Variants in COL23A1 observed in about 807,000 individuals in gnomAD.
COL23A1 encodes collagen type XXIII alpha 1 chain, also known as collagen alpha-1(XXIII) chain.
A neutral mutation model predicts 99.3 loss-of-function variants in COL23A1; 97 were observed. The ratio of observed to expected loss-of-function variants is 0.98; its 90% CI spans 0.83 to 1.16. The LOEUF (loss-of-function observed/expected upper bound fraction) is 1.16. Ranked by LOEUF, COL23A1 falls within the 50% of genes most tolerant of loss-of-function variation. The probability of loss-of-function intolerance (pLI) is 0.00; values close to 1 mark genes in which losing one functional copy is unlikely to be tolerated. For synonymous variants in COL23A1, 320 were observed against 308.2 expected (o/e 1.04, Z -0.40); for missense variants, 762 against 757.4 (o/e 1.01, Z -0.07).
intron 2 of COL23A1, among the ~76,000 whole-genome samples, chr5:178,369,345 C>CGA (rs1762675163): frequency 6.6e-6 from 1 of 152,170 alleles, no homozygotes; most frequent in African/African-American, 2.4e-5. Flanking sequence ...CTTCACACCT[C>CGA]GAGAGGATGT....
chr5:178,272,424 T>A (rs1209298398), intron 5 of COL23A1, among the ~76,000 whole-genome samples: 1 of 152,128 alleles, frequency 6.6e-6, no homozygotes, highest in African/African-American at 2.4e-5. Context: ...GTTCTAAAAA[T>A]TGGTGTCAAA....
intron 2 of COL23A1, among the ~76,000 whole-genome samples, chr5:178,536,217 A>G (rs539164): frequency 0.5 from 76,722 of 152,198 alleles, 19,766 homozygotes; most frequent in Non-Finnish European, 0.57. Flanking sequence ...CTCATGCCGC[A>G]GGGGTGCTCG....
At chr5:178,261,600 C>T (rs1396142790) in intron 11 of COL23A1, 122 bp downstream of exon 11, 9 of 708,842 alleles carry the variant, frequency 1.3e-5, no homozygotes, top group Non-Finnish European at 2.0e-5. Context: ...GGAATTTGAT[C>T]TCCTGACCCT....
At position 178,415,594 on chromosome 5, in the gene COL23A1, G is replaced by A. The variant is rs982217827; in HGVS notation, c.362-108675C>T. Among the ~76,000 whole-genome samples the A allele has an allele frequency of 6.6e-6, 1 of 152,172 alleles. No individual in the cohort carries two copies. Among genetic ancestry groups the A allele is most frequent in the African/African-American group, 2.4e-5 (1 of 41,448 alleles). On this transcript the variant is annotated intron_variant, in intron 2 of 28. Transcript: ENST00000390654. The surrounding 1 kb of genome is among the most constrained non-coding windows in gnomAD (Gnocchi z 4.6). ...AGATACTTCCAATGTGCTGACTGCTGGCACCAGAGGACAGTGCTGCCCCCA... is the reference window on the plus strand; with the variant it reads ...AGATACTTCCAATGTGCTGACTGCTAGCACCAGAGGACAGTGCTGCCCCCA...
intron 2 of COL23A1, among the ~76,000 whole-genome samples, chr5:178,535,568 G>T (rs1433567060): frequency 6.6e-6 from 1 of 152,284 alleles, no homozygotes; most frequent in Non-Finnish European, 1.5e-5. Flanking sequence ...GAACCCTGGT[G>T]CCTCAGCCCC....
chr5:178,285,149 C>G (rs1240274869), intron 5 of COL23A1, among the ~76,000 whole-genome samples: 2 of 152,208 alleles, frequency 1.3e-5, no homozygotes, highest in Non-Finnish European at 2.9e-5. Context: ...ACCTGCCCCA[C>G]AGATGTGGGT....
intron 16 of COL23A1, among the ~76,000 whole-genome samples, chr5:178,253,972 C>T (rs1009351341): frequency 5.3e-5 from 8 of 150,976 alleles, no homozygotes; most frequent in East Asian, 4.0e-4. Flanking sequence ...GAGACCAGCC[C>T]GGCCAACATG....
At chr5:178,274,825 T>A (rs1226898119) in intron 5 of COL23A1, among the ~76,000 whole-genome samples, 1 of 152,162 alleles carries the variant, frequency 6.6e-6, no homozygotes, top group Non-Finnish European at 1.5e-5. Flanking sequence ...CTGGAGATGC[T>A]CATGACTGTC....
chr5:178,336,125 G>A (rs1237616604), intron 2 of COL23A1, among the ~76,000 whole-genome samples: 3 of 152,166 alleles, frequency 2.0e-5, no homozygotes, highest in Non-Finnish European at 4.4e-5. Context: ...GTAAGAACCC[G>A]GCACAGGCTG....
intron 1 of COL23A1, among the ~76,000 whole-genome samples, chr5:178,563,745 T>G (rs1014416878): frequency 6.6e-6 from 1 of 152,040 alleles, no homozygotes; most frequent in Non-Finnish European, 1.5e-5. Flanking sequence ...TTGCCCAGGC[T>G]GGTCCCAAAT....
chr5:178,576,633 G>A (rs1216106989), intron 1 of COL23A1, among the ~76,000 whole-genome samples: 2 of 152,168 alleles, frequency 1.3e-5, no homozygotes, highest in African/African-American at 2.4e-5. Context: ...CGGTAGGAGC[G>A]GGGACAGGCG....
At chr5:178,473,606 T>C (rs1025473009) in intron 2 of COL23A1, among the ~76,000 whole-genome samples, 4 of 151,944 alleles carry the variant, frequency 2.6e-5, no homozygotes, top group Admixed American at 1.3e-4. Context: ...CCATTTTATA[T>C]GAGGGATTTG....
Position 178,238,515 on chromosome 5 carries a change from G to T in COL23A1, c.*183C>A. 1 of 742,696 alleles carries T rather than the reference G, an allele frequency of 1.3e-6. No homozygotes were observed. Among genetic ancestry groups the T allele is most frequent in the Non-Finnish European group, 2.3e-6 (1 of 441,878 alleles). 46.0% of individuals were successfully genotyped at this position (742,696 alleles called of 1,614,324 possible). A position where few individuals can be genotyped will look rare whatever the true frequency, so the allele number is the denominator to read the frequency against. ...CTCAGGTACACATCTCCCTGGTCTG[G>T]CCTGTCCACTTTCCGGCAGCTTCAC... On this transcript the variant is annotated 3_prime_UTR_variant, in exon 29 of 29. Coordinates refer to ENST00000390654, the MANE Select transcript of COL23A1 (RefSeq NM_173465.4).
chr5:178,321,819 A>T (rs1309484386), intron 2 of COL23A1, among the ~76,000 whole-genome samples: 3 of 143,600 alleles, frequency 2.1e-5, no homozygotes, highest in African/African-American at 7.8e-5. Flanking sequence ...GCTGAATCAT[A>T]CTCTGTTGCA....
chr5:178,474,539 G>A (rs967978449), intron 2 of COL23A1, among the ~76,000 whole-genome samples: 3 of 151,732 alleles, frequency 2.0e-5, no homozygotes, highest in Admixed American at 2.0e-4. Flanking sequence ...AAAAAAATTT[G>A]TATTGAAACA....
At chr5:178,358,155 T>G (rs921297727) in intron 2 of COL23A1, among the ~76,000 whole-genome samples, 2 of 150,806 alleles carry the variant, frequency 1.3e-5, no homozygotes, top group Non-Finnish European at 2.9e-5. Flanking sequence ...TATGTGTATG[T>G]GTGTATGTCT....
chr5:178,278,753 G>T (rs1401788675), intron 5 of COL23A1, among the ~76,000 whole-genome samples: 1 of 152,308 alleles, frequency 6.6e-6, no homozygotes, highest in East Asian at 1.9e-4. Flanking sequence ...CTGCCCCGTA[G>T]ACCTGGGAGT....
chr5:178,274,557 G>T (rs1291697609), intron 5 of COL23A1, among the ~76,000 whole-genome samples: 1 of 140,670 alleles, frequency 7.1e-6, no homozygotes, highest in Non-Finnish European at 1.6e-5. Flanking sequence ...GGCATGCCTT[G>T]GGTGGTGGTT....
chr5:178,523,181 C>CATATATATATATATAT (rs375162340), intron 2 of COL23A1, among the ~76,000 whole-genome samples: 6 of 90,446 alleles, frequency 6.6e-5, no homozygotes, highest in Non-Finnish European at 1.3e-4. Flanking sequence ...TATATATACA[C>CATATATATATATATAT]ATATATATAT....
Sources: gnomAD v4.1 joint callset for allele counts (sites outside exome capture counted in the v4.1 genomes callset) on GRCh38, gnomAD v4.1.1 for gene constraint, Gnocchi (gnomAD v3.1) non-coding constraint, MANE v1.5 for transcripts, NCBI Gene and HGNC (gene_info 2026-07-23, HGNC 2026-07-21) for gene names.